LINGO2: variants seen among roughly 807,000 people sequenced by gnomAD.
LINGO2 encodes the protein leucine rich repeat and Ig domain containing 2, also known as leucine-rich repeat and immunoglobulin-like domain-containing nogo receptor-interacting protein 2.
Under a neutral mutation model 30.6 loss-of-function variants are expected in LINGO2, and 14 were observed. That is an observed-to-expected ratio of 0.46 (90% CI 0.30 to 0.72). LINGO2 has a LOEUF of 0.72. Among genes scored for constraint, LINGO2 ranks in the 30% least tolerant of loss-of-function variants. The probability of loss-of-function intolerance (pLI) is 0.07; values close to 1 mark genes in which losing one functional copy is unlikely to be tolerated. For missense variants in LINGO2, 729 were observed against 751.7 expected (o/e 0.97, Z 0.35); for synonymous variants, 317 against 288.5 (o/e 1.10, Z -1.00).
chr9:29,036,927 A>G, the LINGO2 span, among the ~76,000 whole-genome samples: 1 of 152,002 alleles, frequency 6.6e-6, no homozygotes. Context: ...TTGAAAAATT[A>G]GTTATTAAGG....
chr9:28,195,751 C>A (rs1819989722), intron 4 of LINGO2, among the ~76,000 whole-genome samples: 1 of 151,150 alleles, frequency 6.6e-6, no homozygotes, highest in Non-Finnish European at 1.5e-5. Context: ...TAGTTTATAG[C>A]AAAGATGCTT....
chr9:28,067,133 C>A (rs560127403), intron 4 of LINGO2, among the ~76,000 whole-genome samples: 7 of 152,082 alleles, frequency 4.6e-5, no homozygotes, highest in Non-Finnish European at 8.8e-5. Context: ...GGTCACATAC[C>A]TTTTATATTT....
intron 3 of LINGO2, among the ~76,000 whole-genome samples, chr9:28,355,635 G>T (rs1373116280): frequency 6.6e-6 from 1 of 151,994 alleles, no homozygotes; most frequent in Non-Finnish European, 1.5e-5. Context: ...GATCCCTAGA[G>T]ATTTCTCTGT....
chr9:29,162,866 A>G, the LINGO2 span, among the ~76,000 whole-genome samples: 24,196 of 152,024 alleles, frequency 0.16, 2,023 homozygotes, highest in East Asian at 0.37. Flanking sequence ...ACTATTCCAA[A>G]GAATTTTACC....
At chr9:28,951,690 C>A in the LINGO2 span, among the ~76,000 whole-genome samples, 1 of 152,052 alleles carries the variant, frequency 6.6e-6, no homozygotes, top group Non-Finnish European at 1.5e-5. Context: ...TAGAGATCTA[C>A]GAAGTCCCTT....
chr9:28,933,791 T>C, the LINGO2 span, among the ~76,000 whole-genome samples: 1 of 152,190 alleles, frequency 6.6e-6, no homozygotes, highest in South Asian at 2.1e-4. Context: ...TTTGGACTGG[T>C]ATCACCCTTG....
chr9:29,198,311 G>A, the LINGO2 span, among the ~76,000 whole-genome samples: 7 of 152,216 alleles, frequency 4.6e-5, no homozygotes, highest in Middle Eastern at 3.4e-3. Flanking sequence ...TGGCTTTCAA[G>A]AACCACCAGT....
rs138889402 is a variant in LINGO2, at chr9:28,337,941, G to A, written c.-246+34895C>T. Among the ~76,000 whole-genome samples, 840 of 152,248 alleles carry A rather than the reference G, an allele frequency of 5.5e-3. 10 individuals are homozygous for A. The highest frequency in any genetic ancestry group is 0.018 in the African/African-American group (766 of 41,548). ...TGTGGGGTAAAACTTCCCACACAGA[G>A]TCCCCACTGGGGTACTGCCTGGTGG... On this transcript the variant is annotated intron_variant, in intron 3 of 5. Transcript: ENST00000379992.
the LINGO2 span, among the ~76,000 whole-genome samples, chr9:28,744,609 C>CGTGTGTGTGTGTGTGGGT: frequency 1.5e-5 from 2 of 133,954 alleles, no homozygotes; most frequent in Admixed American, 8.1e-5. Context: ...ATATTCCCCT[C>CGTGTGTGTGTGTGTGGGT]GTGTGTGTGT....
the LINGO2 span, among the ~76,000 whole-genome samples, chr9:29,070,639 C>T: frequency 3.3e-5 from 5 of 151,820 alleles, no homozygotes; most frequent in Admixed American, 6.6e-5. Flanking sequence ...CCAGAGACAA[C>T]CTAAGTGAAA....
At chr9:28,576,536 C>A (rs10968659) in intron 1 of LINGO2, among the ~76,000 whole-genome samples, 2 of 152,132 alleles carry the variant, frequency 1.3e-5, no homozygotes, top group African/African-American at 4.8e-5. Flanking sequence ...TCCGGAATAA[C>A]TGAATGCAGA....
intron 5 of LINGO2, among the ~76,000 whole-genome samples, chr9:28,011,486 T>C (rs1215162784): frequency 6.6e-6 from 1 of 152,180 alleles, no homozygotes; most frequent in Non-Finnish European, 1.5e-5. Context: ...AGTAAGCAAT[T>C]TGAATTTATG....
At chr9:28,622,525 C>A (rs1443980498) in intron 1 of LINGO2, among the ~76,000 whole-genome samples, 1 of 151,798 alleles carries the variant, frequency 6.6e-6, no homozygotes, top group African/African-American at 2.4e-5. Flanking sequence ...AAGACTGGAT[C>A]TCATTATTTA....
intron 3 of LINGO2, among the ~76,000 whole-genome samples, chr9:28,324,215 G>C (rs1825144950): frequency 6.6e-6 from 1 of 152,068 alleles, no homozygotes; most frequent in Non-Finnish European, 1.5e-5. Context: ...TCCATTAGCA[G>C]TTATTCGTTT....
chr9:28,787,052 T>C, the LINGO2 span, among the ~76,000 whole-genome samples: 1 of 152,136 alleles, frequency 6.6e-6, no homozygotes, highest in African/African-American at 2.4e-5. Flanking sequence ...GTTTGTGTGG[T>C]GTTACCAAAA....
intron 3 of LINGO2, among the ~76,000 whole-genome samples, chr9:28,349,268 G>C (rs1479736686): frequency 6.7e-6 from 1 of 149,852 alleles, no homozygotes; most frequent in Non-Finnish European, 1.5e-5. Flanking sequence ...TTAGAAGAAT[G>C]TATAATTAGA....
chr9:28,070,569 A>G (rs1050145265), intron 4 of LINGO2, among the ~76,000 whole-genome samples: 21 of 152,278 alleles, frequency 1.4e-4, no homozygotes, highest in African/African-American at 5.1e-4. Context: ...TTCCACTTTA[A>G]TTTATGTAAA....
the LINGO2 span, among the ~76,000 whole-genome samples, chr9:29,185,403 G>A: frequency 1.3e-5 from 2 of 152,022 alleles, no homozygotes; most frequent in Non-Finnish European, 2.9e-5. Flanking sequence ...GGCAATTTAG[G>A]CATTCCATCT....
chr9:28,179,131 T>C (rs1246954610), intron 4 of LINGO2, among the ~76,000 whole-genome samples: 1 of 151,712 alleles, frequency 6.6e-6, no homozygotes, highest in Admixed American at 6.6e-5. Flanking sequence ...TTATTTAAAG[T>C]TCCTCCTATA....
Sources: gnomAD v4.1 joint callset for allele counts (sites outside exome capture counted in the v4.1 genomes callset) on GRCh38, gnomAD v4.1.1 for gene constraint, MANE v1.5 for transcripts, NCBI Gene and HGNC (gene_info 2026-07-23, HGNC 2026-07-21) for gene names.